The following GNE variants were observed in gnomAD, a reference collection of about 807,000 sequenced individuals.
GNE encodes glucosamine (UDP-N-acetyl)-2-epimerase/N-acetylmannosamine kinase.
A neutral mutation model predicts 61.8 loss-of-function variants in GNE; 41 were observed. The ratio of observed to expected loss-of-function variants is 0.66; its 90% CI spans 0.52 to 0.86. The LOEUF (loss-of-function observed/expected upper bound fraction) is 0.86. GNE is among the 40% of genes least tolerant of loss of function. The pLI is 0.00. For synonymous variants in GNE, 264 were observed against 326.4 expected, an observed-to-expected ratio of 0.81 and a Z score of 2.06; for missense variants, 608 against 909.1, an observed-to-expected ratio of 0.67 and a Z score of 4.26.
rs552049598 is a variant in GNE, at chr9:36,238,268, A to G, written c.617-1284T>C. Among the ~76,000 whole-genome samples, 4 of 152,314 alleles carry G rather than the reference A, an allele frequency of 2.6e-5. No individual in the cohort carries two copies. The East Asian group carries it at 7.7e-4, about 29-fold the overall frequency. ...ATGCGTGTGCAAGTATCTTTTTCAA[A>G]TAATGACTTCTTTTCCTCTGGGTAG... On this transcript the variant is annotated intron_variant, in intron 3 of 11. Coordinates refer to ENST00000642385, the MANE Select transcript of GNE (RefSeq NM_005476.7).
upstream of GNE, among the ~76,000 whole-genome samples, chr9:36,261,567 A>C (rs963135176): frequency 6.7e-6 from 1 of 149,882 alleles, no homozygotes; most frequent in Non-Finnish European, 1.5e-5. Flanking sequence ...AAAAAAAAAA[A>C]AAGATGTGGA....
chr9:36,265,355 CATGTTGGGAGCTCT>C, intron 1 of GNE: 4 of 451,636 alleles, frequency 8.9e-6, no homozygotes, highest in Non-Finnish European at 1.8e-5. Flanking sequence ...AACCCGCCAC[CATGTTGGGAGCTCT>C]GGGAGCAAGG....
chr9:36,225,769 T>C (rs1828833583), intron 7 of GNE, among the ~76,000 whole-genome samples: 1 of 152,148 alleles, frequency 6.6e-6, no homozygotes. Context: ...TAGGAAGACC[T>C]TGTCTCTAAA....
intron 2 of GNE, among the ~76,000 whole-genome samples, chr9:36,247,609 G>T (rs1288197382): frequency 6.6e-6 from 1 of 152,096 alleles, no homozygotes; most frequent in Admixed American, 6.6e-5. Flanking sequence ...TCTTCCACTA[G>T]TCTTCCTGTC....
At chr9:36,224,390 C>T (rs570351255) in intron 7 of GNE, among the ~76,000 whole-genome samples, 74 of 152,056 alleles carry the variant, frequency 4.9e-4, no homozygotes, top group South Asian at 2.1e-4. Context: ...GCTGAGATCA[C>T]GCCACTGCAC....
chr9:36,268,213 G>A (rs1830881174), intron 1 of GNE, among the ~76,000 whole-genome samples: 1 of 152,100 alleles, frequency 6.6e-6, no homozygotes, highest in African/African-American at 2.4e-5. Flanking sequence ...GTGAGTCAGA[G>A]AATGCTCAGT....
chr9:36,257,110 A>G (rs768372334), intron 1 of GNE, among the ~76,000 whole-genome samples: 1 of 152,046 alleles, frequency 6.6e-6, no homozygotes, highest in Non-Finnish European at 1.5e-5. Context: ...AGGCTGAGGC[A>G]GGAGAATTAC....
At chr9:36,227,742 A>C (rs1013988189) in intron 6 of GNE, among the ~76,000 whole-genome samples, 1 of 152,104 alleles carries the variant, frequency 6.6e-6, no homozygotes, top group Non-Finnish European at 1.5e-5. Context: ...ATCATGTTTA[A>C]AGAAATAAAT....
At chr9:36,245,531 G>A (rs573490605) in intron 3 of GNE, among the ~76,000 whole-genome samples, 11 of 151,776 alleles carry the variant, frequency 7.2e-5, no homozygotes, top group African/African-American at 1.4e-4. Context: ...AAAATTAGCC[G>A]GTCATGGTGG....
chr9:36,258,326 G>T lies in GNE; in HGVS notation c.-48C>A. 1 of 985,478 alleles carries T rather than the reference G, an allele frequency of 1.0e-6. No homozygotes were observed. Among genetic ancestry groups the T allele is most frequent in the Non-Finnish European group, 1.2e-6 (1 of 829,988 alleles). The allele number at this position is 985,478 out of a possible 1,614,324, so 61.0% of individuals were successfully genotyped here. A position where few individuals can be genotyped will look rare whatever the true frequency, so the allele number is the denominator to read the frequency against. On this transcript the variant is annotated 5_prime_UTR_variant, in exon 1 of 12. Transcript: ENST00000642385. ...CGCCGCCGCGCGGCTCTCACCAGACGCCGTCAGAGGCTCCCTCCCACGCCG... is the reference window on the plus strand; with the variant it reads ...CGCCGCCGCGCGGCTCTCACCAGACTCCGTCAGAGGCTCCCTCCCACGCCG...
upstream of GNE, among the ~76,000 whole-genome samples, chr9:36,261,647 G>T (rs1293809176): frequency 6.7e-6 from 1 of 149,702 alleles, no homozygotes; most frequent in Non-Finnish European, 1.5e-5. Flanking sequence ...CAGGTCAGGC[G>T]TGGTGGCTCA....
In GNE at chr9:36,219,866, C is replaced by T. The variant is rs1396408948; in HGVS notation, c.1788G>A (p.Leu596=). The T allele has an allele frequency of 2.5e-6, 4 of 1,614,200 alleles. No individual in the cohort carries two copies. The highest frequency in any genetic ancestry group is 1.7e-4 in the Middle Eastern group (1 of 6,058). Residue 596 remains leucine, a synonymous_variant, in exon 10 of 12, where the codon TTG becomes TTA. Coordinates refer to ENST00000642385, the MANE Select transcript of GNE (RefSeq NM_005476.7). ...CIEAYASGMA[L]QREAKKLHDE... ...CATGGAGCTTTTTTGCCTCCCTCTG[C>T]AAGGCCATTCCAGAGGCGTATGCTT... is the stretch of plus-strand genomic sequence containing the variant.
At chr9:36,276,309 A>G (rs975831904) in intron 1 of GNE, among the ~76,000 whole-genome samples, 15 of 152,356 alleles carry the variant, frequency 9.8e-5, no homozygotes, top group Admixed American at 7.2e-4. Flanking sequence ...ATATGCCTCA[A>G]TGAAAAATTA....
At chr9:36,225,223 C>T (rs1431414937) in intron 7 of GNE, among the ~76,000 whole-genome samples, 2 of 152,016 alleles carry the variant, frequency 1.3e-5, no homozygotes, top group African/African-American at 4.8e-5. Flanking sequence ...TTCAGTTATT[C>T]TTAGGAGTTT....
upstream of GNE, among the ~76,000 whole-genome samples, chr9:36,260,040 A>G (rs1490491562): frequency 6.6e-6 from 1 of 152,014 alleles, no homozygotes; most frequent in East Asian, 1.9e-4. Context: ...AAGTGGATGG[A>G]TATGATGTTT....
intron 2 of GNE, 35 bp downstream of exon 2, chr9:36,249,157 T>C: frequency 1.9e-6 from 3 of 1,543,700 alleles, no homozygotes; most frequent in Non-Finnish European, 2.7e-6. Flanking sequence ...TAGCACACTG[T>C]TGCAATGAAG....
At chr9:36,219,180 C>T (rs1017704184) in intron 10 of GNE, among the ~76,000 whole-genome samples, 7 of 152,120 alleles carry the variant, frequency 4.6e-5, no homozygotes, top group African/African-American at 1.2e-4. Flanking sequence ...TGCCAACAGA[C>T]GAGCATACTT....
intron 1 of GNE, among the ~76,000 whole-genome samples, chr9:36,266,060 C>T (rs1167960125): frequency 6.6e-6 from 1 of 152,180 alleles, no homozygotes; most frequent in Non-Finnish European, 1.5e-5. Flanking sequence ...GCCTCAGCCT[C>T]CCGAGTAGCT....
chr9:36,242,735 T>G (rs1407959043), intron 3 of GNE, among the ~76,000 whole-genome samples: 1 of 95,254 alleles, frequency 1.0e-5, no homozygotes, highest in East Asian at 3.1e-4. Context: ...TATGCTTGTT[T>G]TTTTTTTTTT....
Sources: allele counts gnomAD v4.1 joint callset (sites outside exome capture counted in the v4.1 genomes callset), GRCh38; gene constraint gnomAD v4.1.1; transcripts MANE v1.5; gene names NCBI Gene and HGNC (gene_info 2026-07-23, HGNC 2026-07-21).